Variants in RALGAPB observed in about 807,000 individuals in gnomAD.
The protein encoded by RALGAPB is Ral GTPase activating protein non-catalytic subunit beta.
In RALGAPB, 25 loss-of-function variants were observed where a neutral mutation model predicts 161.1. The observed-to-expected ratio is 0.16, with a 90% CI of 0.11 to 0.22. RALGAPB has a LOEUF of 0.22. Among genes scored for constraint, RALGAPB ranks in the 10% least tolerant of loss-of-function variants. The probability of loss-of-function intolerance (pLI) is 1.00; values close to 1 mark genes in which losing one functional copy is unlikely to be tolerated. For missense variants in RALGAPB, 1,391 were observed against 1,815.2 expected (o/e 0.77, Z 4.25); for synonymous variants, 629 against 626.1 (o/e 1.00, Z -0.07).
chr20:38,549,750 A>G (rs1483013081), intron 20 of RALGAPB, among the ~76,000 whole-genome samples: 2 of 152,210 alleles, frequency 1.3e-5, no homozygotes, highest in East Asian at 3.9e-4. Flanking sequence ...CCAGAGGAAT[A>G]TAACCACTGC....
chr20:38,488,629 C>G lies in RALGAPB; in HGVS notation c.186+11C>G. 6.3e-7 allele frequency: 1 copy of G among 1,597,608 alleles called. No homozygotes were observed. Among genetic ancestry groups the G allele is most frequent in the Non-Finnish European group, 8.6e-7 (1 of 1,169,104 alleles). On this transcript the variant is annotated intron_variant, in intron 2 of 29. Transcript: ENST00000262879. ...AAAACTGACAAAGAAGTAAGTGTTT[C>G]TAAATTTCATTCTCTTATATGAAAA...
chr20:38,501,430 G>C (rs148993514), intron 5 of RALGAPB, among the ~76,000 whole-genome samples: 5 of 152,142 alleles, frequency 3.3e-5, no homozygotes, highest in Non-Finnish European at 5.9e-5. Flanking sequence ...TGGGCAACTT[G>C]GCAAAAGCCC....
intron 5 of RALGAPB, among the ~76,000 whole-genome samples, chr20:38,506,233 G>A (rs1157149858): frequency 6.6e-6 from 1 of 152,110 alleles, no homozygotes; most frequent in African/African-American, 2.4e-5. Flanking sequence ...TGGCATCTGA[G>A]GGGTGTTCTG....
intron 28 of RALGAPB, 48 bp from the exon 29 acceptor site, chr20:38,574,102 G>T: frequency 6.5e-7 from 1 of 1,542,964 alleles, no homozygotes; most frequent in South Asian, 1.2e-5. Flanking sequence ...GGGTGTCTCG[G>T]GGACTTCAAC....
chr20:38,528,013 C>A (rs768888697), intron 13 of RALGAPB, among the ~76,000 whole-genome samples: 3 of 152,190 alleles, frequency 2.0e-5, no homozygotes, highest in Non-Finnish European at 4.4e-5. Flanking sequence ...ATGAAGCTTA[C>A]TTCAGGGTAT....
At position 38,531,178 on chromosome 20, in the gene RALGAPB, A is replaced by C. The variant is rs770509744; in HGVS notation, c.2062A>C (p.Asn688His). 1.1e-5 allele frequency: 18 copies of C among 1,608,998 alleles called. No homozygotes were observed. The highest frequency in any genetic ancestry group is 1.5e-5 in the Non-Finnish European group (18 of 1,175,728). ...TATTGTTGTTGTAGGGGCAATGTTA[A>C]ATATTGTTCAAGATTCAGCACTTTT... Reference protein sequence around the residue: ...NTQMILGAMLNIVQDSALLEA... With the variant: ...NTQMILGAMLHIVQDSALLEA... Residue 688 changes from asparagine (N) to histidine (H), a missense_variant, in exon 14 of 30, where the codon AAT becomes CAT. Coordinates refer to ENST00000262879, the MANE Select transcript of RALGAPB (RefSeq NM_020336.4).
intron 23 of RALGAPB, among the ~76,000 whole-genome samples, chr20:38,559,694 AAAAAC>A (rs562289465): frequency 3.3e-5 from 5 of 152,234 alleles, no homozygotes; most frequent in African/African-American, 4.8e-5. Context: ...ACTCCATCTC[AAAAAC>A]AAAACAAAAC....
intron 1 of RALGAPB, among the ~76,000 whole-genome samples, chr20:38,477,052 T>C (rs1436786761): frequency 6.6e-6 from 1 of 152,154 alleles, no homozygotes; most frequent in Non-Finnish European, 1.5e-5. Flanking sequence ...ATCAAAGTTA[T>C]AATAAAATAA....
At chr20:38,486,743 T>C (rs1239056839) in intron 1 of RALGAPB, among the ~76,000 whole-genome samples, 3 of 152,244 alleles carry the variant, frequency 2.0e-5, no homozygotes, top group African/African-American at 7.2e-5. Flanking sequence ...TACTAGTAAT[T>C]AGCTTCAAAC....
rs1392988787 is a variant in RALGAPB, at chr20:38,532,953, G to T, written c.2245+94G>T. 3.0e-6 allele frequency: 4 copies of T among 1,349,586 alleles called. No homozygotes were observed. In the African/African-American group the frequency reaches 5.9e-5, roughly 20 times the overall value. 83.6% of individuals were successfully genotyped at this position (1,349,586 alleles called of 1,614,324 possible). A position where few individuals can be genotyped will look rare whatever the true frequency, so the allele number is the denominator to read the frequency against. ...AAACATTAAAAATGTTAATGTTCAT[G>T]TTTTTTATATACTTAAGTATAATAG... On this transcript the variant is annotated intron_variant, in intron 15 of 29. Transcript: ENST00000262879.
At chr20:38,516,170 A>T in intron 6 of RALGAPB, 22 bp from the exon 7 acceptor site, 1 of 1,530,444 alleles carries the variant, frequency 6.5e-7, no homozygotes, top group Non-Finnish European at 8.9e-7. Flanking sequence ...TTTGTGATTA[A>T]TTCTTTCCTC....
chr20:38,543,040 G>A (rs886391390), intron 18 of RALGAPB, among the ~76,000 whole-genome samples: 17 of 152,120 alleles, frequency 1.1e-4, no homozygotes, highest in African/African-American at 3.6e-4. Context: ...AGTGAGGATT[G>A]GATATGTGCT....
At position 38,517,518 on chromosome 20, in the gene RALGAPB, C is replaced by T; in HGVS notation, c.1064C>T (p.Pro355Leu). Residue 355 changes from proline (P) to leucine (L), a missense_variant, in exon 8 of 30, where the codon CCC (proline) becomes CTC (leucine). Physicochemically the swap from Pro to Leu is moderately conservative, Grantham distance 98 (BLOSUM62 -3). Coordinates refer to ENST00000262879, the MANE Select transcript of RALGAPB (RefSeq NM_020336.4). ...LVDAFLGISR[P>L]RSDSAPPTPV... ...TTTTTTTTTTAAGGTATTTCTAGAC[C>T]CCGATCAGACAGTGCTCCCCCAACA... The T allele has an allele frequency of 6.4e-7, 1 of 1,567,500 alleles. No homozygotes were observed. Among genetic ancestry groups the T allele is most frequent in the Non-Finnish European group, 8.6e-7 (1 of 1,162,208 alleles).
At chr20:38,537,474 A>T (rs913757230) in intron 16 of RALGAPB, among the ~76,000 whole-genome samples, 4 of 152,180 alleles carry the variant, frequency 2.6e-5, no homozygotes, top group East Asian at 1.9e-4. Context: ...TATATATATA[A>T]AACCTAAACA....
intron 18 of RALGAPB, 136 bp downstream of exon 18, chr20:38,541,328 T>TA (rs2086957450): frequency 2.2e-6 from 2 of 921,886 alleles, no homozygotes; most frequent in Non-Finnish European, 1.5e-6. Context: ...TCTCCAGAAA[T>TA]AAAATGGGAA....
chr20:38,569,782 C>T (rs1345563557), intron 26 of RALGAPB, 106 bp from the exon 27 acceptor site: 3 of 773,630 alleles, frequency 3.9e-6, no homozygotes, highest in Non-Finnish European at 6.6e-6. Context: ...TGACCTGATA[C>T]TTGGTCACTG....
At chr20:38,564,405 T>C (rs959757643) in intron 24 of RALGAPB, among the ~76,000 whole-genome samples, 3 of 152,168 alleles carry the variant, frequency 2.0e-5, no homozygotes, top group Non-Finnish European at 1.5e-5. Flanking sequence ...ACCTCTTGTC[T>C]AAAGCTTCCT....
intron 29 of RALGAPB, among the ~76,000 whole-genome samples, 158 bp downstream of exon 29, chr20:38,574,456 T>G (rs2088359829): frequency 6.6e-6 from 1 of 152,222 alleles, no homozygotes; most frequent in Admixed American, 6.5e-5. Flanking sequence ...GTTTCGTTCT[T>G]TTTAAATCTG....
chr20:38,514,095 T>C (rs2086055395), intron 6 of RALGAPB, among the ~76,000 whole-genome samples: 1 of 152,184 alleles, frequency 6.6e-6, no homozygotes. Context: ...CTTAAGCAAA[T>C]GCAGGTGAGA....
Sources: gnomAD v4.1 joint callset for allele counts (sites outside exome capture counted in the v4.1 genomes callset) on GRCh38, gnomAD v4.1.1 for gene constraint, MANE v1.5 for transcripts, NCBI Gene and HGNC (gene_info 2026-07-23, HGNC 2026-07-21) for gene names.